The following KLHL29 variants were observed in gnomAD, a reference collection of about 807,000 sequenced individuals.
The protein encoded by KLHL29 is kelch like family member 29.
Under a neutral mutation model 80.4 loss-of-function variants are expected in KLHL29, and 21 were observed. That is an observed-to-expected ratio of 0.26 (90% CI 0.19 to 0.38). The LOEUF is 0.38. Among genes scored for constraint, KLHL29 ranks in the 10% least tolerant of loss-of-function variants. The pLI is 1.00. For synonymous variants in KLHL29, 511 were observed against 526.8 expected (o/e 0.97, Z 0.41); for missense variants, 867 against 1,223.9 (o/e 0.71, Z 4.35).
chr2:23,462,436 G>A (rs570387171), intron 1 of KLHL29, among the ~76,000 whole-genome samples: 140 of 152,278 alleles, frequency 9.2e-4, no homozygotes, highest in Non-Finnish European at 9.9e-4. Flanking sequence ...GACAGAAAGA[G>A]CCCCAGGCTG....
At chr2:23,492,096 G>C (rs1431506476) in intron 2 of KLHL29, among the ~76,000 whole-genome samples, 1 of 152,188 alleles carries the variant, frequency 6.6e-6, no homozygotes, top group Non-Finnish European at 1.5e-5. Context: ...CTAGGATGCA[G>C]ATCACACGTC....
In KLHL29 at chr2:23,515,528, C is replaced by T. The variant is rs76725370; in HGVS notation, c.-46+39861C>T. On this transcript the variant is annotated intron_variant, in intron 2 of 13. Coordinates refer to ENST00000486442, the MANE Select transcript of KLHL29 (RefSeq NM_052920.2). ...GGGGCCCCCGTCTCTACTTCCACAG[C>T]TCCTGTGTTTTTCTGTGTAGTAACT... Among the ~76,000 whole-genome samples, 9 of 152,354 alleles carry T rather than the reference C, an allele frequency of 5.9e-5. No individual in the cohort carries two copies. In the East Asian group the frequency reaches 1.4e-3, roughly 23 times the overall value.
intron 3 of KLHL29, among the ~76,000 whole-genome samples, chr2:23,631,366 C>T (rs1286640788): frequency 6.6e-6 from 1 of 152,180 alleles, no homozygotes; most frequent in Non-Finnish European, 1.5e-5. Flanking sequence ...CTGTAAGTTG[C>T]CCCGAAAGCA....
chr2:23,395,235 G>A (rs1327314658), intron 1 of KLHL29, among the ~76,000 whole-genome samples: 2 of 152,198 alleles, frequency 1.3e-5, no homozygotes, highest in African/African-American at 2.4e-5. Flanking sequence ...GTCCAGAGCA[G>A]AGAGAACCAA....
intron 1 of KLHL29, among the ~76,000 whole-genome samples, chr2:23,436,617 G>A (rs1436875647): frequency 3.3e-5 from 5 of 152,210 alleles, no homozygotes; most frequent in African/African-American, 9.6e-5. Flanking sequence ...CGCATTCAGC[G>A]CTGCGAAGCG....
rs1192547369 is a variant in KLHL29 at position 23,460,725 on chromosome 2, G to C, written c.-153-14835G>C. ...CAAACTCAGGAGCTTCCCGTGAAGGGAGCATCGTGCAAACTCAGGAGCTTC... is the reference window on the plus strand; with the variant it reads ...CAAACTCAGGAGCTTCCCGTGAAGGCAGCATCGTGCAAACTCAGGAGCTTC... On this transcript the variant is annotated intron_variant, in intron 1 of 13. Transcript: ENST00000486442. Among the ~76,000 whole-genome samples, 6 of 151,456 alleles carry C rather than the reference G, an allele frequency of 4.0e-5. No individual in the cohort carries two copies. In the East Asian group the frequency reaches 1.2e-3, roughly 30 times the overall value.
In KLHL29 at chr2:23,642,836, C is replaced by T; in HGVS notation, c.926C>T (p.Pro309Leu). 7 of 1,550,396 alleles carry T rather than the reference C, an allele frequency of 4.5e-6. No homozygotes were observed. Among genetic ancestry groups the T allele is most frequent in the South Asian group, 1.2e-5 (1 of 84,060 alleles). Residue 309 changes from proline (P) to leucine (L), a missense_variant, in exon 5 of 14, where the codon CCG becomes CTG. Pro to Leu is a moderately conservative substitution (Grantham distance 98). This residue lies in a region of KLHL29 where 424 missense variants were observed against 456.9 expected (regional missense o/e 0.93). Coordinates refer to ENST00000486442, the MANE Select transcript of KLHL29 (RefSeq NM_052920.2). Reference protein sequence around the residue: ...IGVGKYEFTDPGHPREMLKEL... With the variant: ...IGVGKYEFTDLGHPREMLKEL... The stretch of plus-strand genomic sequence containing the variant: ...GTGGGGAAGTATGAGTTCACCGACC[C>T]GGGGCACCCCAGAGGTAAGTCCTGC...
At chr2:23,479,231 G>C (rs967239125) in intron 2 of KLHL29, among the ~76,000 whole-genome samples, 4 of 151,558 alleles carry the variant, frequency 2.6e-5, no homozygotes, top group African/African-American at 9.7e-5. Flanking sequence ...TGAAAAGGCC[G>C]TGTGACCACA....
At chr2:23,397,141 G>A (rs1666471833) in intron 1 of KLHL29, among the ~76,000 whole-genome samples, 1 of 152,186 alleles carries the variant, frequency 6.6e-6, no homozygotes, top group Non-Finnish European at 1.5e-5. Flanking sequence ...GTCGCAGGCA[G>A]CCGTGGAGAA....
At chr2:23,387,031 A>G (rs1030417211) in intron 1 of KLHL29, among the ~76,000 whole-genome samples, 17 of 151,924 alleles carry the variant, frequency 1.1e-4, no homozygotes, top group African/African-American at 3.9e-4. Context: ...GCTGATGGGT[A>G]AGGAGCTGCC....
intron 2 of KLHL29, among the ~76,000 whole-genome samples, chr2:23,558,040 G>T (rs1219511058): frequency 6.6e-6 from 1 of 152,128 alleles, no homozygotes; most frequent in Non-Finnish European, 1.5e-5. Flanking sequence ...GGAACTGAGG[G>T]TCATAGATGT....
intron 2 of KLHL29, among the ~76,000 whole-genome samples, chr2:23,515,736 T>C (rs1312803112): frequency 1.3e-5 from 2 of 152,206 alleles, no homozygotes; most frequent in Admixed American, 6.5e-5. Context: ...GAGCACCAAA[T>C]TGTATTAATA....
chr2:23,625,619 T>G (rs764801151), intron 3 of KLHL29, among the ~76,000 whole-genome samples: 8 of 152,204 alleles, frequency 5.3e-5, no homozygotes, highest in Non-Finnish European at 8.8e-5. Flanking sequence ...GCGGGCAAGA[T>G]GGAGCCAGAG....
intron 3 of KLHL29, chr2:23,617,417 C>T (rs1669048208): frequency 6.6e-6 from 1 of 152,232 alleles, no homozygotes; most frequent in Non-Finnish European, 1.5e-5. Flanking sequence ...TTGCCCGTGG[C>T]TCTGTGATGG....
At chr2:23,588,659 T>C (rs1019007477) in intron 3 of KLHL29, among the ~76,000 whole-genome samples, 11 of 152,226 alleles carry the variant, frequency 7.2e-5, no homozygotes, top group Admixed American at 5.2e-4. Flanking sequence ...ATTCTGAGTC[T>C]CTAGGGCTGT....
At chr2:23,473,608 C>G (rs1664555606) in intron 1 of KLHL29, among the ~76,000 whole-genome samples, 2 of 152,138 alleles carry the variant, frequency 1.3e-5, no homozygotes, top group African/African-American at 4.8e-5. Flanking sequence ...ACCACTGTCC[C>G]TCTAGGCTAC....
intron 2 of KLHL29, chr2:23,524,221 G>A (rs1232223482): frequency 3.3e-6 from 1 of 302,354 alleles, no homozygotes; most frequent in East Asian, 8.1e-5. Flanking sequence ...AGGCCCAAGT[G>A]CCCGGCTCCT....
At chr2:23,676,594 C>T (rs1485243770) in intron 5 of KLHL29, among the ~76,000 whole-genome samples, 1 of 152,182 alleles carries the variant, frequency 6.6e-6, no homozygotes, top group Non-Finnish European at 1.5e-5. Context: ...AGTTTGAGAT[C>T]AGCCTGAGCA....
intron 1 of KLHL29, among the ~76,000 whole-genome samples, chr2:23,455,486 A>C (rs960041676): frequency 6.6e-6 from 1 of 152,118 alleles, no homozygotes; most frequent in Admixed American, 6.5e-5. Flanking sequence ...AGTTAATGTA[A>C]GATATTTTGG....
Sources: gnomAD v4.1 joint callset for allele counts (sites outside exome capture counted in the v4.1 genomes callset) on GRCh38, gnomAD v4.1.1 for gene constraint, gnomAD v4.1.1 regional missense constraint, MANE v1.5 for transcripts, NCBI Gene and HGNC (gene_info 2026-07-23, HGNC 2026-07-21) for gene names.